Variants in NREP observed in about 807,000 individuals in gnomAD.
NREP encodes neuronal regeneration related protein.
NREP carries 5 observed loss-of-function variants against 8.6 expected under a neutral mutation model. The observed-to-expected ratio is 0.58, with a 90% CI of 0.30 to 1.22. NREP has a LOEUF of 1.22. Among genes scored for constraint, NREP ranks in the 50% most tolerant of loss-of-function variants. The pLI, the probability that NREP is intolerant of heterozygous loss-of-function variation, is 0.07. For missense variants in NREP, 86 were observed against 82.5 expected, an observed-to-expected ratio of 1.04 and a Z score of -0.17; for synonymous variants, 27 against 28.0, an observed-to-expected ratio of 0.96 and a Z score of 0.11.
At chr5:111,757,369 T>C (rs1750790051), upstream of NREP, 1 of 939,746 alleles carries the variant, frequency 1.1e-6, no homozygotes, top group Non-Finnish European at 1.3e-6. Flanking sequence ...GAGGAGATCA[T>C]CTCCCTGCCT....
intron 2 of NREP, among the ~76,000 whole-genome samples, chr5:111,826,627 G>T (rs1245662821): frequency 3.3e-5 from 5 of 152,206 alleles, no homozygotes; most frequent in South Asian, 2.1e-4. Context: ...GTGAGACAAA[G>T]AACCCACCAG....
Position 111,787,681 on chromosome 5 carries a change from A to C in NREP, c.136-52174T>G, listed in dbSNP as rs75122631. On this transcript the variant is annotated intron_variant, in intron 2 of 3. Transcript: ENST00000395634. Reference sequence around the variant, plus strand: ...TTCCAAATGCGTTTTTTTATTCTGCATGTTAATCAGTAAAATATTTTTGAG... The same window carrying C: ...TTCCAAATGCGTTTTTTTATTCTGCCTGTTAATCAGTAAAATATTTTTGAG... Among the ~76,000 whole-genome samples the C allele has an allele frequency of 5.3e-3, 810 of 152,288 alleles. 3 individuals are homozygous for C. Among genetic ancestry groups the C allele is most frequent in the African/African-American group, 0.018 (763 of 41,562 alleles).
intron 2 of NREP, among the ~76,000 whole-genome samples, chr5:111,787,500 A>C (rs1347321907): frequency 6.6e-6 from 1 of 152,190 alleles, no homozygotes. Flanking sequence ...GAGAAAGTTC[A>C]GTTATAATGG....
chr5:111,784,567 T>A (rs1751566108), intron 2 of NREP, among the ~76,000 whole-genome samples: 1 of 152,190 alleles, frequency 6.6e-6, no homozygotes, highest in South Asian at 2.1e-4. Flanking sequence ...TATTGATAGT[T>A]TTTGAGAAGT....
intron 2 of NREP, among the ~76,000 whole-genome samples, chr5:111,745,135 C>A (rs1225609143): frequency 6.6e-6 from 1 of 152,080 alleles, no homozygotes; most frequent in Non-Finnish European, 1.5e-5. Context: ...CACAATGTTA[C>A]CACAAGGAAG....
chr5:111,875,333 C>T (rs1753879142), intron 2 of NREP, among the ~76,000 whole-genome samples: 2 of 151,952 alleles, frequency 1.3e-5, no homozygotes, highest in African/African-American at 4.8e-5. Context: ...ATGCATTTTA[C>T]CAGATCTGGA....
chr5:111,925,418 A>T (rs1755358494), intron 2 of NREP, among the ~76,000 whole-genome samples: 1 of 151,964 alleles, frequency 6.6e-6, no homozygotes, highest in Non-Finnish European at 1.5e-5. Flanking sequence ...TACTTTACAG[A>T]CCTCTAAAGC....
At chr5:111,887,042 C>G (rs537797919) in intron 2 of NREP, among the ~76,000 whole-genome samples, 54 of 151,698 alleles carry the variant, frequency 3.6e-4, no homozygotes, top group Non-Finnish European at 7.1e-4. Context: ...TCATGCCTCA[C>G]CCTCCCAAAC....
At chr5:111,858,060 T>A (rs1204224055) in intron 2 of NREP, among the ~76,000 whole-genome samples, 1 of 151,834 alleles carries the variant, frequency 6.6e-6, no homozygotes, top group Admixed American at 6.6e-5. Context: ...AATGAGAAAA[T>A]GACAGGGAGC....
intron 2 of NREP, among the ~76,000 whole-genome samples, chr5:111,862,143 A>G (rs1239879783): frequency 6.6e-6 from 1 of 152,180 alleles, no homozygotes; most frequent in Non-Finnish European, 1.5e-5. Context: ...TCACTTGGCA[A>G]TTATGTTTGG....
At chr5:111,965,436 T>C (rs916843674) in intron 2 of NREP, among the ~76,000 whole-genome samples, 1 of 152,196 alleles carries the variant, frequency 6.6e-6, no homozygotes, top group Non-Finnish European at 1.5e-5. Flanking sequence ...TCATTAAATA[T>C]GATGATGTGT....
At chr5:111,771,968 A>C (rs1363784859) in intron 2 of NREP, among the ~76,000 whole-genome samples, 1 of 152,148 alleles carries the variant, frequency 6.6e-6, no homozygotes, top group East Asian at 1.9e-4. Flanking sequence ...CATTAAAAAC[A>C]CTTAGCTAAT....
chr5:111,807,930 A>G (rs932495538), intron 2 of NREP, among the ~76,000 whole-genome samples: 1 of 132,296 alleles, frequency 7.6e-6, no homozygotes, highest in Non-Finnish European at 1.6e-5. Context: ...TCACAACAAC[A>G]ATAACAACAA....
intron 2 of NREP, among the ~76,000 whole-genome samples, chr5:111,880,730 C>CTTTTT (rs140190021): frequency 2.2e-5 from 2 of 92,188 alleles, no homozygotes; most frequent in Non-Finnish European, 4.3e-5. Context: ...GAACATAAGC[C>CTTTTT]TTTTTTTTTT....
rs377693558 is a variant in NREP at position 111,962,457 on chromosome 5, G to T, written c.135+12817C>A. ...GCAGCTTTTCCTTTCTTAAATAGTT[G>T]TTTCCCTAAACTGTGCATCTAAATA... On this transcript the variant is annotated intron_variant, in intron 2 of 3. Transcript: ENST00000395634. 2.0e-5 allele frequency among the ~76,000 whole-genome samples: 3 copies of T among 152,108 alleles called. No homozygotes were observed. In the East Asian group the frequency reaches 5.8e-4, roughly 29 times the overall value.
At chr5:111,757,631 C>T (rs142387259), upstream of NREP, 505 of 983,214 alleles carry the variant, frequency 5.1e-4, 2 homozygotes, top group African/African-American at 8.4e-3. Flanking sequence ...CGACACCCCG[C>T]ACCCGCGCCC....
intron 2 of NREP, among the ~76,000 whole-genome samples, chr5:111,925,126 G>T (rs1239575952): frequency 1.3e-5 from 2 of 152,224 alleles, no homozygotes; most frequent in East Asian, 3.9e-4. Context: ...CCAGAAGGAG[G>T]TCTACCCTCC....
At chr5:111,828,965 C>T (rs1290038719) in intron 2 of NREP, among the ~76,000 whole-genome samples, 1 of 151,908 alleles carries the variant, frequency 6.6e-6, no homozygotes, top group Non-Finnish European at 1.5e-5. Context: ...GGGATCACAG[C>T]CTGTAGATTA....
chr5:111,773,872 G>A (rs1348517857), intron 2 of NREP, among the ~76,000 whole-genome samples: 1 of 152,064 alleles, frequency 6.6e-6, no homozygotes, highest in Non-Finnish European at 1.5e-5. Context: ...GAGAAATCTT[G>A]CGGGGCTTAG....
Sources: allele counts gnomAD v4.1 joint callset (sites outside exome capture counted in the v4.1 genomes callset), GRCh38; gene constraint gnomAD v4.1.1; transcripts MANE v1.5; gene names NCBI Gene and HGNC (gene_info 2026-07-23, HGNC 2026-07-21).